The following SPSB4 variants were observed in gnomAD, a reference collection of about 807,000 sequenced individuals.
The protein encoded by SPSB4 is SPRY domain-containing SOCS box protein 4.
A neutral mutation model predicts 20.9 loss-of-function variants in SPSB4; 21 were observed. The observed-to-expected ratio is 1.01, with a 90% confidence interval of 0.71 to 1.45. The LOEUF (loss-of-function observed/expected upper bound fraction) is 1.45, where lower values mean the gene tolerates loss of function less well. Ranked by LOEUF, SPSB4 falls within the 40% of genes most tolerant of loss-of-function variation. The pLI, the probability that SPSB4 is intolerant of heterozygous loss-of-function variation, is 0.00. For synonymous variants in SPSB4, 207 were observed against 183.8 expected, an observed-to-expected ratio of 1.13 and a Z score of -1.02; for missense variants, 399 against 399.2, an observed-to-expected ratio of 1.00 and a Z score of 0.00.
intron 2 of SPSB4, among the ~76,000 whole-genome samples, chr3:141,103,915 A>G (rs1285490585): frequency 6.6e-6 from 1 of 152,036 alleles, no homozygotes; most frequent in Non-Finnish European, 1.5e-5. Context: ...TCAGGGAATA[A>G]TGAGTCTTAG....
chr3:141,106,790 G>T (rs1938696347), intron 2 of SPSB4, among the ~76,000 whole-genome samples: 1 of 152,020 alleles, frequency 6.6e-6, no homozygotes, highest in African/African-American at 2.4e-5. Flanking sequence ...TGTCTTATGG[G>T]GCTTTAGGCC....
intron 2 of SPSB4, among the ~76,000 whole-genome samples, chr3:141,138,500 C>T (rs1469971822): frequency 2.0e-5 from 3 of 152,000 alleles, no homozygotes; most frequent in South Asian, 2.1e-4. Context: ...CTACACACTG[C>T]TTTGAATGTG....
intron 2 of SPSB4, among the ~76,000 whole-genome samples, chr3:141,076,603 C>T (rs1201191537): frequency 1.3e-5 from 2 of 152,216 alleles, no homozygotes; most frequent in Non-Finnish European, 2.9e-5. Flanking sequence ...GCTGGTATCA[C>T]AGTCTGCACA....
At chr3:141,064,939 C>A (rs1937835510) in intron 1 of SPSB4, among the ~76,000 whole-genome samples, 1 of 152,190 alleles carries the variant, frequency 6.6e-6, no homozygotes, top group Admixed American at 6.5e-5. Context: ...CCTGATCGAA[C>A]AAAGAGCTCA....
At position 141,066,369 on chromosome 3, in the gene SPSB4, G is replaced by A. The variant is rs1444193645; in HGVS notation, c.265G>A (p.Gly89Ser). Residue 89 changes from glycine (G) to serine (S), a missense_variant, in exon 2 of 3, where the codon GGC (glycine) becomes AGC (serine). Physicochemically the swap from Gly to Ser is moderately conservative, Grantham distance 56. Coordinates refer to ENST00000310546, the MANE Select transcript of SPSB4 (RefSeq NM_080862.3). ...GGCCCAGAGCACCGACGGCATCCGC[G>A]GCAAGGTGGGCCACGCCCGCGGCCT... Reference protein sequence around the residue: ...PVAQSTDGIRGKVGHARGLHA... With the variant: ...PVAQSTDGIRSKVGHARGLHA... 8.4e-6 allele frequency: 13 copies of A among 1,553,370 alleles called. No individual in the cohort carries two copies. Among genetic ancestry groups the A allele is most frequent in the South Asian group, 1.2e-5 (1 of 84,288 alleles).
At chr3:141,061,333 A>G (rs1190055309) in intron 1 of SPSB4, among the ~76,000 whole-genome samples, 1 of 152,124 alleles carries the variant, frequency 6.6e-6, no homozygotes, top group Non-Finnish European at 1.5e-5. Context: ...CAATGTTTAT[A>G]TCTGGTTAAT....
At chr3:141,129,468 G>A (rs148754912) in intron 2 of SPSB4, among the ~76,000 whole-genome samples, 56 of 152,324 alleles carry the variant, frequency 3.7e-4, no homozygotes, top group African/African-American at 1.1e-3. Flanking sequence ...TACTGGTCTC[G>A]TTGCTTGATT....
At chr3:141,142,965 C>T (rs541369994) in intron 2 of SPSB4, among the ~76,000 whole-genome samples, 64 of 151,660 alleles carry the variant, frequency 4.2e-4, no homozygotes, top group African/African-American at 3.1e-4. Context: ...TACAGGCACC[C>T]GCCACCACGC....
chr3:141,082,378 T>C (rs1196708311), intron 2 of SPSB4, among the ~76,000 whole-genome samples: 1 of 152,098 alleles, frequency 6.6e-6, no homozygotes, highest in Non-Finnish European at 1.5e-5. Context: ...GTGGCATTTC[T>C]GGCTGACTTA....
chr3:141,088,270 G>A (rs985722701), intron 2 of SPSB4, among the ~76,000 whole-genome samples: 11 of 152,294 alleles, frequency 7.2e-5, no homozygotes, highest in Non-Finnish European at 1.3e-4. Context: ...AATGTACTGC[G>A]TACATCCATG....
chr3:141,054,809 C>CA (rs1388372512), intron 1 of SPSB4, among the ~76,000 whole-genome samples: 1 of 152,148 alleles, frequency 6.6e-6, no homozygotes, highest in Admixed American at 6.5e-5. Flanking sequence ...ACTAAAAATA[C>CA]AAAAAATTAG....
chr3:141,092,152 C>A (rs1938464751), intron 2 of SPSB4, among the ~76,000 whole-genome samples: 2 of 152,162 alleles, frequency 1.3e-5, no homozygotes, highest in Non-Finnish European at 2.9e-5. Flanking sequence ...CTTCCTTTAT[C>A]CCGAGCTGGG....
chr3:141,089,103 G>A (rs148900875), intron 2 of SPSB4, among the ~76,000 whole-genome samples: 8 of 152,338 alleles, frequency 5.3e-5, no homozygotes, highest in South Asian at 2.1e-4. Context: ...TCCTGGCAGC[G>A]TCAATCCTGC....
chr3:141,073,663 G>T (rs1938048864), intron 2 of SPSB4, among the ~76,000 whole-genome samples: 1 of 152,236 alleles, frequency 6.6e-6, no homozygotes, highest in African/African-American at 2.4e-5. Context: ...CATAGTCGGT[G>T]CTCAGTAAAT....
intron 2 of SPSB4, among the ~76,000 whole-genome samples, chr3:141,141,139 G>T (rs947824313): frequency 3.3e-5 from 5 of 152,234 alleles, no homozygotes; most frequent in Non-Finnish European, 7.3e-5. Flanking sequence ...CCAGGTGCGG[G>T]ATATAATCTC....
intron 2 of SPSB4, among the ~76,000 whole-genome samples, chr3:141,071,867 A>G (rs1310602646): frequency 6.6e-6 from 1 of 152,250 alleles, no homozygotes. Context: ...TTATTGGCTC[A>G]ATGGCTGAGC....
rs1472813379 is a variant in SPSB4, at chr3:141,136,059, A to G, written c.695-11083A>G. On this transcript the variant is annotated intron_variant, in intron 2 of 2. Coordinates refer to ENST00000310546, the MANE Select transcript of SPSB4 (RefSeq NM_080862.3). The stretch of plus-strand genomic sequence containing the variant: ...TCTAACTGGTGTGAGATGGTATCTC[A>G]TTGTGGTTTTGATTTGCATTTCTCT... Among the ~76,000 whole-genome samples, 8 of 152,046 alleles carry G rather than the reference A, an allele frequency of 5.3e-5. No individual in the cohort carries two copies. The East Asian group carries it at 7.7e-4, about 15-fold the overall frequency.
chr3:141,146,290 T>C (rs188536425), intron 2 of SPSB4, among the ~76,000 whole-genome samples: 1 of 152,136 alleles, frequency 6.6e-6, no homozygotes, highest in South Asian at 2.1e-4. Flanking sequence ...CAGAACTAGG[T>C]GCTGGAAGAA....
chr3:141,119,551 G>A (rs1380422144), intron 2 of SPSB4, among the ~76,000 whole-genome samples: 1 of 152,202 alleles, frequency 6.6e-6, no homozygotes, highest in Non-Finnish European at 1.5e-5. Context: ...ATGAGAGAGG[G>A]CATCCCTGTC....
Sources: allele counts gnomAD v4.1 joint callset (sites outside exome capture counted in the v4.1 genomes callset), GRCh38; gene constraint gnomAD v4.1.1; transcripts MANE v1.5; gene names NCBI Gene and HGNC (gene_info 2026-07-23, HGNC 2026-07-21).